Variants in LRMDA observed in about 807,000 individuals in gnomAD.
LRMDA encodes the protein leucine rich melanocyte differentiation associated.
Under a neutral mutation model 29.8 loss-of-function variants are expected in LRMDA, and 18 were observed. The ratio of observed to expected loss-of-function variants is 0.60; its 90% CI spans 0.42 to 0.90. The LOEUF is 0.90. Among genes scored for constraint, LRMDA ranks in the 40% least tolerant of loss-of-function variants. The pLI is 0.00. For missense variants in LRMDA, 273 were observed against 273.9 expected (o/e 1.00, Z 0.02); for synonymous variants, 125 against 109.4 (o/e 1.14, Z -0.89).
intron 5 of LRMDA, among the ~76,000 whole-genome samples, chr10:76,066,101 CCT>C (rs1182685843): frequency 1.3e-5 from 2 of 152,202 alleles, no homozygotes; most frequent in African/African-American, 4.8e-5. Context: ...ACACACCCTA[CCT>C]CTGCTGCATC....
intron 5 of LRMDA, among the ~76,000 whole-genome samples, chr10:76,067,507 G>C (rs1352634680): frequency 6.6e-6 from 1 of 152,206 alleles, no homozygotes; most frequent in East Asian, 1.9e-4. Context: ...GTTCTGGAGA[G>C]TAAAGTTAGG....
At chr10:76,409,348 A>G (rs1311102232) in intron 6 of LRMDA, among the ~76,000 whole-genome samples, 1 of 152,212 alleles carries the variant, frequency 6.6e-6, no homozygotes, top group Non-Finnish European at 1.5e-5. Context: ...TTTATATCCT[A>G]CTACTCAAGG....
Position 75,778,103 on chromosome 10 carries a change from G to A in LRMDA, c.132-257905G>A, listed in dbSNP as rs149557073. Among the ~76,000 whole-genome samples the A allele has an allele frequency of 9.1e-4, 138 of 151,760 alleles. 1 individual carries two copies. Among genetic ancestry groups the A allele is most frequent in the African/African-American group, 3.2e-3 (134 of 41,380 alleles). On this transcript the variant is annotated intron_variant, in intron 2 of 6. Transcript: ENST00000611255. ...TCTTTCTTTCTTTTTTTTGAGACAG[G>A]GTCTCACTCTGTCACCTAGGCTGGA...
At chr10:76,481,922 C>T (rs986622895) in intron 6 of LRMDA, among the ~76,000 whole-genome samples, 4 of 151,878 alleles carry the variant, frequency 2.6e-5, no homozygotes, top group Non-Finnish European at 4.4e-5. Context: ...TATTTCATGA[C>T]CTCCATGTAT....
chr10:76,558,622 T>A lies in LRMDA; in HGVS notation c.*1334T>A, dbSNP rs1843588128. 1 of 152,200 alleles carries A rather than the reference T, an allele frequency of 6.6e-6. No individual in the cohort carries two copies. Among genetic ancestry groups the A allele is most frequent in the African/African-American group, 2.4e-5 (1 of 41,454 alleles). 9.4% of individuals were successfully genotyped at this position (152,200 alleles called of 1,614,324 possible). A position where few individuals can be genotyped will look rare whatever the true frequency, so the allele number is the denominator to read the frequency against. On this transcript the variant is annotated 3_prime_UTR_variant, in exon 7 of 7. Transcript: ENST00000611255. ...TGTTCATTGTCCTCCCAGTATTAGG[T>A]CAGTTTGATGACAGCAAAACCTGAA...
chr10:75,812,108 ATTTTTTTT>A (rs67846089), intron 2 of LRMDA, among the ~76,000 whole-genome samples: 3 of 46,258 alleles, frequency 6.5e-5, no homozygotes, highest in African/African-American at 3.6e-4. Context: ...TTTAATTGTG[ATTTTTTTT>A]TTTTTTTTTT....
At chr10:75,834,524 C>T (rs138093956) in intron 2 of LRMDA, among the ~76,000 whole-genome samples, 1 of 152,324 alleles carries the variant, frequency 6.6e-6, no homozygotes, top group Non-Finnish European at 1.5e-5. Context: ...TTTTAATTAA[C>T]ATCCCTTCCC....
At chr10:76,322,994 T>C (rs7086513) in intron 5 of LRMDA, among the ~76,000 whole-genome samples, 22,495 of 152,112 alleles carry the variant, frequency 0.15, 2,880 homozygotes, top group African/African-American at 0.34. Flanking sequence ...TTTTGGGCTC[T>C]ACATTCTTGC....
chr10:75,607,319 A>C (rs183060853), intron 2 of LRMDA, among the ~76,000 whole-genome samples: 6 of 152,290 alleles, frequency 3.9e-5, no homozygotes, highest in African/African-American at 1.4e-4. Flanking sequence ...AATTTCTTCA[A>C]ATTTCTAGTC....
intron 6 of LRMDA, among the ~76,000 whole-genome samples, chr10:76,359,194 C>T (rs760617519): frequency 2.0e-5 from 3 of 152,172 alleles, no homozygotes; most frequent in Non-Finnish European, 2.9e-5. Flanking sequence ...AGCTAACAGA[C>T]CAGACTAATG....
intron 2 of LRMDA, among the ~76,000 whole-genome samples, chr10:75,638,409 A>T (rs943579598): frequency 9.9e-5 from 15 of 152,246 alleles, no homozygotes; most frequent in African/African-American, 3.1e-4. Flanking sequence ...GCCCTACTGC[A>T]AGCCAATTTG....
intron 2 of LRMDA, among the ~76,000 whole-genome samples, chr10:76,007,122 C>A (rs1216942667): frequency 2.6e-5 from 4 of 151,906 alleles, no homozygotes; most frequent in Non-Finnish European, 5.9e-5. Flanking sequence ...CCTGGATGAA[C>A]CTCTTGTATC....
At position 75,590,091 on chromosome 10, in the gene LRMDA, C is replaced by G. The variant is rs1314697768; in HGVS notation, c.131+151597C>G. ...CTGGAGTGCAGTGGTACAATCAGGGCTCACTGCAGCCTTGACCTCTTGGGC... is the reference window on the plus strand; with the variant it reads ...CTGGAGTGCAGTGGTACAATCAGGGGTCACTGCAGCCTTGACCTCTTGGGC... On this transcript the variant is annotated intron_variant, in intron 2 of 6. Transcript: ENST00000611255. Among the ~76,000 whole-genome samples, 4 of 151,004 alleles carry G rather than the reference C, an allele frequency of 2.6e-5. No homozygotes were observed. In the East Asian group the frequency reaches 7.8e-4, roughly 30 times the overall value.
chr10:76,299,559 A>G (rs117534550), intron 5 of LRMDA, among the ~76,000 whole-genome samples: 4,257 of 150,894 alleles, frequency 0.028, 91 homozygotes, highest in Non-Finnish European at 0.041. Context: ...TGCTTGTACA[A>G]TGAATGGTCA....
At chr10:75,703,003 T>C (rs1842326728) in intron 2 of LRMDA, among the ~76,000 whole-genome samples, 1 of 152,240 alleles carries the variant, frequency 6.6e-6, no homozygotes, top group Non-Finnish European at 1.5e-5. Flanking sequence ...TAGACTGTTA[T>C]ATCTTCCTGA....
intron 2 of LRMDA, among the ~76,000 whole-genome samples, chr10:75,822,487 A>ATTTT (rs1844179531): frequency 6.6e-6 from 1 of 152,192 alleles, no homozygotes; most frequent in African/African-American, 2.4e-5. Flanking sequence ...GGAACCAAAA[A>ATTTT]AAGCCTGAAT....
At chr10:76,090,106 G>A (rs925858858) in intron 5 of LRMDA, among the ~76,000 whole-genome samples, 7 of 152,210 alleles carry the variant, frequency 4.6e-5, no homozygotes, top group Non-Finnish European at 8.8e-5. Context: ...CCTGCGGAAA[G>A]TGGAGTGTGG....
intron 6 of LRMDA, among the ~76,000 whole-genome samples, chr10:76,501,518 C>T (rs1213848927): frequency 6.6e-6 from 1 of 151,980 alleles, no homozygotes; most frequent in Non-Finnish European, 1.5e-5. Flanking sequence ...TCTCCATGGC[C>T]TCACCAGCAT....
At position 76,392,744 on chromosome 10, in the gene LRMDA, T is replaced by C. The variant is rs940593492; in HGVS notation, c.601+68259T>C. ...AATTTTCAAGAATACAACATATTGT[T>C]ATAATCTATAGTCACCCTGTTGTAC... On this transcript the variant is annotated intron_variant, in intron 6 of 6. Transcript: ENST00000611255. Among the ~76,000 whole-genome samples, 14 of 152,126 alleles carry C rather than the reference T, an allele frequency of 9.2e-5. 1 individual carries two copies. The highest frequency in any genetic ancestry group is 1.5e-5 in the Non-Finnish European group (1 of 67,966).
Sources: gnomAD v4.1 joint callset for allele counts (sites outside exome capture counted in the v4.1 genomes callset) on GRCh38, gnomAD v4.1.1 for gene constraint, MANE v1.5 for transcripts, NCBI Gene and HGNC (gene_info 2026-07-23, HGNC 2026-07-21) for gene names.